Variants in LRP1B observed in about 807,000 individuals in gnomAD.
LRP1B encodes low-density lipoprotein receptor-related protein 1B.
A neutral mutation model predicts 556.6 loss-of-function variants in LRP1B; 217 were observed. That is an observed-to-expected ratio of 0.39 (90% confidence interval 0.35 to 0.44). LRP1B has a LOEUF of 0.44. LRP1B is among the 20% of genes least tolerant of loss of function. The pLI is 1.00. For synonymous variants in LRP1B, 2,047 were observed against 1,865.8 expected (o/e 1.10, Z -2.50); for missense variants, 5,053 against 5,620.8 (o/e 0.90, Z 3.23).
At chr2:141,842,825 A>G (rs1327098872) in intron 1 of LRP1B, among the ~76,000 whole-genome samples, 1 of 152,166 alleles carries the variant, frequency 6.6e-6, no homozygotes. Context: ...AAATACATTT[A>G]GAATTCAGAG....
chr2:140,363,472 A>C (rs1682612100), intron 72 of LRP1B, among the ~76,000 whole-genome samples: 1 of 151,606 alleles, frequency 6.6e-6, no homozygotes, highest in Admixed American at 6.6e-5. Flanking sequence ...AATAGAAAAA[A>C]AATCACATAA....
Position 140,901,966 on chromosome 2 carries a change from CAAGCCTGA to C in LRP1B, c.3766+946_3766+953del, listed in dbSNP as rs1166479418. Among the ~76,000 whole-genome samples the C allele has an allele frequency of 9.9e-5, 15 of 152,032 alleles. No individual in the cohort carries two copies. The East Asian group carries it at 2.9e-3, about 29-fold the overall frequency. On this transcript the variant is annotated intron_variant, in intron 23 of 90. Transcript: ENST00000389484. ...CATTATTGAATTAGTAGCGGGTTTCCAAGCCTGAACATGTGATATTTTGAGATATGTGC... is the reference window on the plus strand; with the variant it reads ...CATTATTGAATTAGTAGCGGGTTTCCACATGTGATATTTTGAGATATGTGC...
Position 140,453,765 on chromosome 2 carries a change from A to G in LRP1B, c.9963+2690T>C, listed in dbSNP as rs977499781. On this transcript the variant is annotated intron_variant, in intron 62 of 90. Transcript: ENST00000389484. ...ATTCTCAGATTATGTTTTCAATCCTAATAGAATTCTTATTGATGTGATTTG... is the reference window on the plus strand; with the variant it reads ...ATTCTCAGATTATGTTTTCAATCCTGATAGAATTCTTATTGATGTGATTTG... Among the ~76,000 whole-genome samples, 22 of 152,292 alleles carry G rather than the reference A, an allele frequency of 1.4e-4. No homozygotes were observed. In the East Asian group the frequency reaches 4.1e-3, roughly 28 times the overall value.
intron 32 of LRP1B, among the ~76,000 whole-genome samples, chr2:140,779,792 G>A (rs1689633805): frequency 6.9e-6 from 1 of 144,194 alleles, no homozygotes; most frequent in Admixed American, 7.1e-5. Context: ...GTGTAGCAGT[G>A]CAGAGGGGAG....
intron 32 of LRP1B, among the ~76,000 whole-genome samples, chr2:140,787,971 G>A (rs571748583): frequency 2.0e-5 from 3 of 152,210 alleles, no homozygotes; most frequent in Admixed American, 2.0e-4. Flanking sequence ...TGATTTTCAA[G>A]GTTGGTTGAA....
intron 2 of LRP1B, among the ~76,000 whole-genome samples, chr2:141,731,109 T>C (rs754943): frequency 0.27 from 40,448 of 152,036 alleles, 5,550 homozygotes; most frequent in Middle Eastern, 0.31. Context: ...AAAGACCATT[T>C]GCTAAGGGTC....
intron 77 of LRP1B, 142 bp downstream of exon 77, chr2:140,350,655 A>G (rs1681915177): frequency 4.3e-6 from 3 of 692,896 alleles, no homozygotes; most frequent in African/African-American, 1.9e-5. Flanking sequence ...AGAGAAATGC[A>G]TTATTTCTAT....
At chr2:140,375,565 A>T (rs1307262674) in intron 68 of LRP1B, among the ~76,000 whole-genome samples, 1 of 152,138 alleles carries the variant, frequency 6.6e-6, no homozygotes, top group Non-Finnish European at 1.5e-5. Context: ...ATTTAATAAG[A>T]GAGGATTTTA....
intron 1 of LRP1B, among the ~76,000 whole-genome samples, chr2:141,904,315 G>C (rs1201511161): frequency 6.6e-6 from 1 of 151,782 alleles, no homozygotes; most frequent in Non-Finnish European, 1.5e-5. Context: ...GTCAGCTCAG[G>C]GTGGATTTGT....
At chr2:140,547,994 T>C (rs1243012425) in intron 43 of LRP1B, among the ~76,000 whole-genome samples, 1 of 151,244 alleles carries the variant, frequency 6.6e-6, no homozygotes, top group Non-Finnish European at 1.5e-5. Flanking sequence ...CAGGAATGAT[T>C]ACTGCAAAGG....
At chr2:140,732,657 A>T (rs988565920) in intron 35 of LRP1B, among the ~76,000 whole-genome samples, 23 of 152,096 alleles carry the variant, frequency 1.5e-4, no homozygotes, top group Non-Finnish European at 5.9e-5. Context: ...TGCTGACCAA[A>T]GGTTAAAGAT....
At chr2:141,129,710 ATATTT>A (rs561281817) in intron 7 of LRP1B, among the ~76,000 whole-genome samples, 4 of 152,214 alleles carry the variant, frequency 2.6e-5, no homozygotes, top group African/African-American at 9.6e-5. Flanking sequence ...TTCAACAAAA[ATATTT>A]TATAAGCAGG....
At chr2:140,701,644 A>C (rs1347711331) in intron 40 of LRP1B, 77 bp downstream of exon 40, 9 of 1,417,852 alleles carry the variant, frequency 6.3e-6, no homozygotes, top group Non-Finnish European at 8.7e-6. Flanking sequence ...AGAATTTCTA[A>C]GTTTGACAAT....
At chr2:140,264,572 T>TGGGC (rs1345467299) in intron 86 of LRP1B, among the ~76,000 whole-genome samples, 2 of 152,008 alleles carry the variant, frequency 1.3e-5, no homozygotes, top group African/African-American at 4.8e-5. Context: ...CTCAATCACC[T>TGGGC]CTTTAAAGGC....
At chr2:141,153,343 T>TATTAGCTA in intron 7 of LRP1B, among the ~76,000 whole-genome samples, 1 of 77,102 alleles carries the variant, frequency 1.3e-5, no homozygotes, top group Admixed American at 1.9e-4. Context: ...TAATAATATA[T>TATTAGCTA]TATATATTAG....
chr2:140,721,689 A>G (rs911585607), intron 35 of LRP1B, among the ~76,000 whole-genome samples: 1 of 147,428 alleles, frequency 6.8e-6, no homozygotes, highest in Non-Finnish European at 1.5e-5. Flanking sequence ...CTGGGAATAC[A>G]GGCGCCCACC....
chr2:140,309,497 C>G (rs932465191), intron 83 of LRP1B, among the ~76,000 whole-genome samples: 3 of 151,674 alleles, frequency 2.0e-5, no homozygotes, highest in Non-Finnish European at 4.4e-5. Context: ...ATGGTCCAAT[C>G]GAATCACTAA....
chr2:140,413,819 A>G (rs770567550), intron 66 of LRP1B, among the ~76,000 whole-genome samples: 7 of 152,218 alleles, frequency 4.6e-5, no homozygotes, highest in Non-Finnish European at 8.8e-5. Flanking sequence ...TATTGATAAA[A>G]TGGAATTTCC....
intron 47 of LRP1B, among the ~76,000 whole-genome samples, chr2:140,528,189 T>A (rs1204817407): frequency 6.6e-6 from 1 of 151,926 alleles, no homozygotes; most frequent in Non-Finnish European, 1.5e-5. Context: ...ATTCAGCGAT[T>A]TCACGTAATA....
Sources: allele counts gnomAD v4.1 joint callset (sites outside exome capture counted in the v4.1 genomes callset), GRCh38; gene constraint gnomAD v4.1.1; transcripts MANE v1.5; gene names NCBI Gene and HGNC (gene_info 2026-07-23, HGNC 2026-07-21).